The following STK39 variants were observed in gnomAD, a reference collection of about 807,000 sequenced individuals.
STK39 encodes the protein serine/threonine kinase 39, also known as STE20/SPS1-related proline-alanine-rich protein kinase.
A neutral mutation model predicts 77.8 loss-of-function variants in STK39; 20 were observed. That is an observed-to-expected ratio of 0.26 (90% CI 0.18 to 0.37). The LOEUF is 0.37. Among genes scored for constraint, STK39 ranks in the 10% least tolerant of loss-of-function variants. STK39 has a pLI of 1.00. For synonymous variants in STK39, 246 were observed against 234.1 expected (o/e 1.05, Z -0.47); for missense variants, 479 against 656.5 (o/e 0.73, Z 2.95).
chr2:168,171,804 AG>A (rs937552662), intron 2 of STK39, among the ~76,000 whole-genome samples: 3 of 152,006 alleles, frequency 2.0e-5, no homozygotes, highest in African/African-American at 7.3e-5. Context: ...AAATATAATA[AG>A]AGATTTTCTC....
At chr2:168,179,721 G>C (rs960948815) in intron 2 of STK39, among the ~76,000 whole-genome samples, 3 of 152,178 alleles carry the variant, frequency 2.0e-5, no homozygotes, top group Non-Finnish European at 2.9e-5. Context: ...CTCTACCTAA[G>C]TTACAAGTAG....
rs1684297471 is a variant in STK39, at chr2:168,012,567, T to C, written c.1498+67A>G. The C allele has an allele frequency of 4.1e-5, 53 of 1,293,428 alleles. No homozygotes were observed. In the South Asian group the frequency reaches 6.4e-4, roughly 16 times the overall value. 80.1% of individuals were successfully genotyped at this position (1,293,428 alleles called of 1,614,324 possible). ...GTGAATTATTCCTTAATGAACACTT[T>C]TGCTTCCAAACACATTTCCATTTTA... On this transcript the variant is annotated intron_variant, in intron 16 of 17. Coordinates refer to ENST00000355999, the MANE Select transcript of STK39 (RefSeq NM_013233.3).
intron 10 of STK39, among the ~76,000 whole-genome samples, chr2:168,128,616 C>A (rs1028726425): frequency 4.6e-5 from 7 of 152,176 alleles, no homozygotes; most frequent in Non-Finnish European, 8.8e-5. Flanking sequence ...ACTTGAAAAT[C>A]TGTTTAAAAC....
chr2:167,973,477 A>G (rs1256135660), intron 16 of STK39, among the ~76,000 whole-genome samples: 1 of 152,252 alleles, frequency 6.6e-6, no homozygotes, highest in Non-Finnish European at 1.5e-5. Flanking sequence ...CTTGTCCTAA[A>G]GTAAAATAAC....
At chr2:167,993,308 GGGA>G in intron 16 of STK39, among the ~76,000 whole-genome samples, 1 of 152,308 alleles carries the variant, frequency 6.6e-6, no homozygotes, top group East Asian at 1.9e-4. Flanking sequence ...CCAATCACAG[GGGA>G]GGAGAAGATT....
At chr2:167,958,105 C>T (rs896592020) in intron 17 of STK39, among the ~76,000 whole-genome samples, 8 of 152,152 alleles carry the variant, frequency 5.3e-5, no homozygotes, top group African/African-American at 1.9e-4. Flanking sequence ...GAGAAAGGAA[C>T]CAATGACCCT....
chr2:168,189,591 G>T lies in STK39; in HGVS notation c.209-7501C>A, dbSNP rs183347587. ...ATTCAAGCCAGCCACCAGATGAGTT[G>T]CATGTGTGAGATAAGGAGCTAAAAA... On this transcript the variant is annotated intron_variant, in intron 1 of 17. Coordinates refer to ENST00000355999, the MANE Select transcript of STK39 (RefSeq NM_013233.3). Among the ~76,000 whole-genome samples, 930 of 152,266 alleles carry T rather than the reference G, an allele frequency of 6.1e-3. 9 individuals are homozygous for T. Among genetic ancestry groups the T allele is most frequent in the African/African-American group, 0.02 (830 of 41,540 alleles).
chr2:168,154,825 C>A (rs1559123524), intron 5 of STK39, among the ~76,000 whole-genome samples: 1 of 152,130 alleles, frequency 6.6e-6, no homozygotes, highest in Non-Finnish European at 1.5e-5. Flanking sequence ...TGAGGATACA[C>A]TGAAACCAAA....
chr2:168,116,110 TC>T (rs1024752476), intron 10 of STK39, among the ~76,000 whole-genome samples: 2 of 152,134 alleles, frequency 1.3e-5, no homozygotes, highest in African/African-American at 4.8e-5. Context: ...ATTTTTATGG[TC>T]CCAGCTTCCT....
chr2:168,138,601 C>G (rs1687898305), intron 7 of STK39, among the ~76,000 whole-genome samples: 1 of 152,194 alleles, frequency 6.6e-6, no homozygotes, highest in African/African-American at 2.4e-5. Flanking sequence ...TTCATGTATA[C>G]AGGTCATTCA....
intron 1 of STK39, among the ~76,000 whole-genome samples, chr2:168,240,359 T>C (rs1690728678): frequency 6.6e-6 from 1 of 152,220 alleles, no homozygotes; most frequent in Non-Finnish European, 1.5e-5. Flanking sequence ...TAGCAGTATC[T>C]TTCTGGTAGC....
chr2:168,150,358 T>C (rs1043848200), intron 5 of STK39, among the ~76,000 whole-genome samples: 1 of 152,226 alleles, frequency 6.6e-6, no homozygotes, highest in Non-Finnish European at 1.5e-5. Flanking sequence ...CAGAATTGTC[T>C]AACCCAGCGA....
intron 10 of STK39, among the ~76,000 whole-genome samples, chr2:168,119,455 A>C (rs1430899023): frequency 6.6e-6 from 1 of 152,216 alleles, no homozygotes; most frequent in Non-Finnish European, 1.5e-5. Flanking sequence ...CAAATGGTAG[A>C]TTGCTTTGAT....
chr2:168,141,741 G>A (rs1454112929), intron 5 of STK39, among the ~76,000 whole-genome samples: 1 of 152,170 alleles, frequency 6.6e-6, no homozygotes, highest in Non-Finnish European at 1.5e-5. Flanking sequence ...CTGAGCCCCT[G>A]CAAATCGCTC....
intron 10 of STK39, among the ~76,000 whole-genome samples, chr2:168,127,809 T>C (rs1687584268): frequency 6.6e-6 from 1 of 152,142 alleles, no homozygotes. Flanking sequence ...GGGAGAACAG[T>C]TAGAAATTTA....
intron 1 of STK39, among the ~76,000 whole-genome samples, chr2:168,184,200 G>C (rs1322959477): frequency 6.6e-6 from 1 of 152,194 alleles, no homozygotes. Context: ...GACAGTAAAA[G>C]TCTCCTAACC....
At chr2:168,043,126 G>A (rs1368843410) in intron 14 of STK39, among the ~76,000 whole-genome samples, 1 of 152,140 alleles carries the variant, frequency 6.6e-6, no homozygotes, top group East Asian at 1.9e-4. Flanking sequence ...CTACCTGACT[G>A]ACGGCTATGA....
chr2:168,144,979 A>G (rs1332237307), intron 5 of STK39, among the ~76,000 whole-genome samples: 1 of 148,710 alleles, frequency 6.7e-6, no homozygotes, highest in Non-Finnish European at 1.5e-5. Context: ...AGCCCGTCTC[A>G]GAAAAAAAAA....
intron 16 of STK39, among the ~76,000 whole-genome samples, chr2:167,979,981 T>C (rs1683372590): frequency 6.6e-6 from 1 of 152,176 alleles, no homozygotes; most frequent in Admixed American, 6.5e-5. Flanking sequence ...AGAAGAGTCT[T>C]ACATCCAGGA....
Sources: gnomAD v4.1 joint callset for allele counts (sites outside exome capture counted in the v4.1 genomes callset) on GRCh38, gnomAD v4.1.1 for gene constraint, MANE v1.5 for transcripts, NCBI Gene and HGNC (gene_info 2026-07-23, HGNC 2026-07-21) for gene names.